Variants in CTNNA2 observed in about 807,000 individuals in gnomAD.
CTNNA2 encodes the protein catenin alpha-2.
In CTNNA2, 42 loss-of-function variants were observed where a neutral mutation model predicts 101.0. That is an observed-to-expected ratio of 0.42 (90% CI 0.32 to 0.54). The LOEUF (loss-of-function observed/expected upper bound fraction) is 0.54. Ranked by LOEUF, CTNNA2 falls within the 20% of genes least tolerant of loss-of-function variation. The pLI is 0.14. For synonymous variants in CTNNA2, 450 were observed against 456.4 expected (o/e 0.99, Z 0.18); for missense variants, 871 against 1,223.1 (o/e 0.71, Z 4.29).
intron 7 of CTNNA2, among the ~76,000 whole-genome samples, chr2:80,350,897 G>A (rs1673227812): frequency 6.6e-6 from 1 of 152,028 alleles, no homozygotes; most frequent in South Asian, 2.1e-4. Flanking sequence ...TTCAAAATGG[G>A]GGACTTTAGT....
intron 6 of CTNNA2, among the ~76,000 whole-genome samples, chr2:79,882,696 T>C (rs1683537192): frequency 6.6e-6 from 1 of 152,222 alleles, no homozygotes; most frequent in Non-Finnish European, 1.5e-5. Flanking sequence ...CATAAATGGC[T>C]TAGACAGCAG....
At chr2:79,356,556 T>C (rs1158779135) in intron 3 of CTNNA2, among the ~76,000 whole-genome samples, 1 of 152,168 alleles carries the variant, frequency 6.6e-6, no homozygotes, top group Non-Finnish European at 1.5e-5. Flanking sequence ...CTTGCTACTC[T>C]GGAGATAAAA....
intron 1 of CTNNA2, among the ~76,000 whole-genome samples, chr2:79,546,025 G>T (rs575303832): frequency 1.3e-5 from 2 of 152,230 alleles, no homozygotes; most frequent in Middle Eastern, 6.8e-3. Flanking sequence ...ACCCAAGATT[G>T]CCCAGCTAGT....
At chr2:79,824,823 A>G (rs1258771786) in intron 3 of CTNNA2, among the ~76,000 whole-genome samples, 1 of 152,188 alleles carries the variant, frequency 6.6e-6, no homozygotes. Flanking sequence ...TATGGTTTTA[A>G]TATCAAATAT....
intron 2 of CTNNA2, among the ~76,000 whole-genome samples, chr2:79,246,922 T>C (rs1674707564): frequency 6.6e-6 from 1 of 152,222 alleles, no homozygotes; most frequent in Non-Finnish European, 1.5e-5. Context: ...GAGTCCATAG[T>C]TGGACGTCTT....
chr2:80,019,984 A>G (rs1029381765), intron 7 of CTNNA2, among the ~76,000 whole-genome samples: 1 of 152,176 alleles, frequency 6.6e-6, no homozygotes, highest in Non-Finnish European at 1.5e-5. Context: ...TTGCAAGTAG[A>G]TCATTAGGTC....
chr2:79,668,642 A>T (rs1682613859), intron 2 of CTNNA2, among the ~76,000 whole-genome samples: 1 of 152,110 alleles, frequency 6.6e-6, no homozygotes, highest in African/African-American at 2.4e-5. Context: ...TATTTATATA[A>T]CTCTTTCCAC....
chr2:79,324,568 T>A (rs1031751819), intron 3 of CTNNA2, among the ~76,000 whole-genome samples: 3 of 152,094 alleles, frequency 2.0e-5, no homozygotes, highest in African/African-American at 7.2e-5. Flanking sequence ...AAATATTACA[T>A]CCAGTCAATC....
intron 7 of CTNNA2, among the ~76,000 whole-genome samples, chr2:80,174,468 A>AC (rs1304650149): frequency 6.6e-6 from 1 of 152,046 alleles, no homozygotes; most frequent in Non-Finnish European, 1.5e-5. Context: ...AAGACTCTGG[A>AC]CCATTTATGC....
At chr2:79,356,111 G>A (rs530341870) in intron 3 of CTNNA2, among the ~76,000 whole-genome samples, 2 of 151,154 alleles carry the variant, frequency 1.3e-5, no homozygotes, top group East Asian at 3.9e-4. Flanking sequence ...TAATTATAAA[G>A]AAAAAGTATA....
chr2:80,457,553 A>G (rs555924387), intron 9 of CTNNA2, among the ~76,000 whole-genome samples: 1 of 152,134 alleles, frequency 6.6e-6, no homozygotes, highest in Admixed American at 6.6e-5. Context: ...AATATTACTG[A>G]TGTAAAAATA....
chr2:79,356,622 C>A (rs181188074), intron 3 of CTNNA2, among the ~76,000 whole-genome samples: 2 of 152,246 alleles, frequency 1.3e-5, no homozygotes, highest in East Asian at 3.9e-4. Context: ...TTAGATAAAT[C>A]CAGACCAAAA....
At chr2:80,442,596 T>C (rs769263195) in intron 9 of CTNNA2, among the ~76,000 whole-genome samples, 1 of 152,218 alleles carries the variant, frequency 6.6e-6, no homozygotes, top group Non-Finnish European at 1.5e-5. Flanking sequence ...AGCAAGAGGA[T>C]GATCCACTGG....
At chr2:79,752,973 T>C (rs998141435) in intron 3 of CTNNA2, among the ~76,000 whole-genome samples, 1 of 152,158 alleles carries the variant, frequency 6.6e-6, no homozygotes, top group African/African-American at 2.4e-5. Context: ...CAAAAATGTT[T>C]TGTGGAAAAA....
chr2:80,020,993 CTTTTTTTTT>C (rs869061321), intron 7 of CTNNA2, among the ~76,000 whole-genome samples: 1 of 89,352 alleles, frequency 1.1e-5, no homozygotes, highest in Non-Finnish European at 2.1e-5. Flanking sequence ...GACCAATCAT[CTTTTTTTTT>C]TTTTTTTTTT....
intron 2 of CTNNA2, among the ~76,000 whole-genome samples, chr2:79,266,185 T>A (rs1306467233): frequency 2.0e-5 from 3 of 152,144 alleles, no homozygotes; most frequent in African/African-American, 7.2e-5. Context: ...GTACCTCCAT[T>A]TTTTTGCATC....
chr2:79,543,661 A>G (rs971723167), intron 1 of CTNNA2, among the ~76,000 whole-genome samples: 1 of 152,166 alleles, frequency 6.6e-6, no homozygotes, highest in African/African-American at 2.4e-5. Flanking sequence ...CATTTAATAG[A>G]TGATTATATA....
chr2:80,149,064 A>G (rs940203388), intron 7 of CTNNA2, among the ~76,000 whole-genome samples: 9 of 133,838 alleles, frequency 6.7e-5, no homozygotes, highest in Non-Finnish European at 6.3e-5. Flanking sequence ...TTATTTCTCT[A>G]TCATCCAGGC....
intron 9 of CTNNA2, among the ~76,000 whole-genome samples, chr2:80,422,259 A>C (rs1680593499): frequency 6.6e-6 from 1 of 152,186 alleles, no homozygotes. Flanking sequence ...AAACCATCAG[A>C]TCTCATGAGA....
Sources: gnomAD v4.1 joint callset for allele counts (sites outside exome capture counted in the v4.1 genomes callset) on GRCh38, gnomAD v4.1.1 for gene constraint, MANE v1.5 for transcripts, NCBI Gene and HGNC (gene_info 2026-07-23, HGNC 2026-07-21) for gene names.